The following SLC23A1 variants were observed in gnomAD, a reference collection of about 807,000 sequenced individuals.
The protein encoded by SLC23A1 is Na(+)/L-ascorbic acid transporter 1.
In SLC23A1, 31 loss-of-function variants were observed where a neutral mutation model predicts 62.5. The observed-to-expected ratio is 0.50, with a 90% confidence interval of 0.37 to 0.67. The LOEUF (loss-of-function observed/expected upper bound fraction) is 0.67. SLC23A1 is among the 30% of genes least tolerant of loss of function. The probability of loss-of-function intolerance (pLI) is 0.00; values close to 1 mark genes in which losing one functional copy is unlikely to be tolerated. For synonymous variants in SLC23A1, 271 were observed against 313.2 expected (o/e 0.87, Z 1.42); for missense variants, 640 against 782.7 (o/e 0.82, Z 2.18).
rs1344010009 is a variant in SLC23A1 at position 139,379,682 on chromosome 5, G to A, written c.921C>T (p.Tyr307=). Residue 307 remains tyrosine (Y), a synonymous_variant, in exon 8 of 15, where the codon TAC becomes TAT. Transcript: ENST00000348729. This position sits in a 1 kb window ranked among gnomAD's most constrained non-coding sequence, Gnocchi z 4.7. ...GGCCCAAGGGGTGTTGCTCACAGGG[G>A]TAGGGGATGCGGATCCAGGGTGCAA... is the stretch of plus-strand genomic sequence containing the variant. The part of the protein sequence containing the change: ...MAIAPWIRIP[Y]PCQWGLPTVT... 5.0e-6 allele frequency: 8 copies of A among 1,611,814 alleles called. No homozygotes were observed. Among genetic ancestry groups the A allele is most frequent in the Non-Finnish European group, 6.8e-6 (8 of 1,178,838 alleles).
At chr5:139,371,475 G>A (rs148300251) in intron 14 of SLC23A1, among the ~76,000 whole-genome samples, 2 of 152,142 alleles carry the variant, frequency 1.3e-5, no homozygotes, top group African/African-American at 4.8e-5. Flanking sequence ...ACCTCATCAG[G>A]GCTTGTACAG....
intron 13 of SLC23A1, among the ~76,000 whole-genome samples, chr5:139,373,629 G>C (rs1311529769): frequency 6.6e-6 from 1 of 152,170 alleles, no homozygotes; most frequent in East Asian, 1.9e-4. Context: ...CCCAGGCTGA[G>C]AACAAACCCA....
chr5:139,368,321 CAG>C (rs1302237694), intron 14 of SLC23A1, among the ~76,000 whole-genome samples: 5 of 151,586 alleles, frequency 3.3e-5, no homozygotes, highest in African/African-American at 4.9e-5. Flanking sequence ...GCCTGGGTGA[CAG>C]AGTGAGACTC....
At position 139,379,802 on chromosome 5, in the gene SLC23A1, G is replaced by A. The variant is rs1366267104; in HGVS notation, c.801C>T (p.Leu267=). The change falls in exon 8 of 15, where the codon CTC becomes CTT. Residue 267 remains leucine (L), a synonymous_variant. Transcript: ENST00000348729. This position sits in a 1 kb window ranked among gnomAD's most constrained non-coding sequence, Gnocchi z 4.7. ...CGTCTGTCAAGGTCAGGACATAGCAGAGCAGCCACACGGTCATGATGGCCA... is the reference window on the plus strand; with the variant it reads ...CGTCTGTCAAGGTCAGGACATAGCAAAGCAGCCACACGGTCATGATGGCCA... ...IMLAIMTVWL[L]CYVLTLTDVL... 1.9e-6 allele frequency: 3 copies of A among 1,614,040 alleles called. No homozygotes were observed. The highest frequency in any genetic ancestry group is 1.6e-4 in the Middle Eastern group (1 of 6,084).
chr5:139,378,304 G>A lies in SLC23A1; in HGVS notation c.1227C>T (p.Val409=). The change falls in exon 11 of 15, where the codon GTC becomes GTT. Residue 409 remains valine, a synonymous_variant. Transcript: ENST00000348729. The surrounding 1 kb of genome is among the most constrained non-coding windows in gnomAD (Gnocchi z 4.5). ...CCGTGAACTTGCCGATGGTGCCCAG[G>A]ACCAGCATGATAGCCGCACCATACT... ...VVQYGAAIML[V]LGTIGKFTAL... 1 of 1,591,840 alleles carries A rather than the reference G, an allele frequency of 6.3e-7. No individual in the cohort carries two copies. Among genetic ancestry groups the A allele is most frequent in the African/African-American group, 1.3e-5 (1 of 74,550 alleles).
Position 139,378,324 on chromosome 5 carries a change from C to T in SLC23A1, c.1207G>A (p.Gly403Ser), listed in dbSNP as rs746158473. Residue 403 changes from glycine to serine, a missense_variant, in exon 11 of 15, where the codon GGT becomes AGT. Physicochemically the swap from Gly to Ser is moderately conservative, Grantham distance 56. Transcript: ENST00000348729. This position sits in a 1 kb window ranked among gnomAD's most constrained non-coding sequence, Gnocchi z 4.5. ...KVGSRRVVQY[G>S]AAIMLVLGTI... ...CCCAGGACCAGCATGATAGCCGCAC[C>T]ATACTGCACCACGCGCCGGCTGCCC... 24 of 1,578,906 alleles carry T rather than the reference C, an allele frequency of 1.5e-5. No homozygotes were observed. The highest frequency in any genetic ancestry group is 2.3e-5 in the East Asian group (1 of 42,826).
At position 139,378,678 on chromosome 5, in the gene SLC23A1, G is replaced by T; in HGVS notation, c.1080C>A (p.Ile360=). The T allele has an allele frequency of 6.2e-7, 1 of 1,607,174 alleles. No individual in the cohort carries two copies. Among genetic ancestry groups the T allele is most frequent in the Non-Finnish European group, 8.5e-7 (1 of 1,176,620 alleles). ...TGATGCAGCAAATGCCTTCGGTGAA[G>T]ATGCCCCTGTAAGGAAAGGGAGAGT... The part of the protein sequence containing the change: ...PPPVHAINRG[I]FTEGICCIIA... Residue 360 remains isoleucine (I), a synonymous_variant, in exon 10 of 15, where the codon ATC becomes ATA. Coordinates refer to ENST00000348729, the MANE Select transcript of SLC23A1 (RefSeq NM_005847.5). The surrounding 1 kb of genome is among the most constrained non-coding windows in gnomAD (Gnocchi z 4.5).
At position 139,381,993 on chromosome 5, in the gene SLC23A1, C is replaced by T. The variant is rs1758292345; in HGVS notation, c.207G>A (p.Ala69=). The T allele has an allele frequency of 3.1e-6, 5 of 1,605,738 alleles. No homozygotes were observed. Among genetic ancestry groups the T allele is most frequent in the South Asian group, 1.1e-5 (1 of 89,440 alleles). Residue 69 remains alanine, a synonymous_variant, in exon 3 of 15, where the codon GCG becomes GCA. Transcript: ENST00000348729. ...TGTGCTGGTCGTGGCCCACACACAG[C>T]GCCTCAGCCAGCAGGAAGGGCACGG... ...TIAVPFLLAE[A]LCVGHDQHMV...
At chr5:139,377,840 G>T in intron 12 of SLC23A1, 135 bp downstream of exon 12, 1 of 800,202 alleles carries the variant, frequency 1.2e-6, no homozygotes, top group Non-Finnish European at 2.0e-6. Context: ...TGTGACCCAA[G>T]CTCTCAGCTG....
In SLC23A1 at chr5:139,371,892, A is replaced by G. The variant is rs1660757943; in HGVS notation, c.*19+95T>C. 3 of 933,912 alleles carry G rather than the reference A, an allele frequency of 3.2e-6. No individual in the cohort carries two copies. The Admixed American group carries it at 6.7e-5, about 21-fold the overall frequency. 57.9% of individuals were successfully genotyped at this position (933,912 alleles called of 1,614,324 possible). On this transcript the variant is annotated intron_variant, in intron 14 of 14. Transcript: ENST00000348729. ...TTTGAGGACATTCAAACAGTTTACAAGAAAGAGAACTGAGTAGTTTGGTTT... is the reference window on the plus strand; with the variant it reads ...TTTGAGGACATTCAAACAGTTTACAGGAAAGAGAACTGAGTAGTTTGGTTT...
chr5:139,371,418 C>T (rs959589084), intron 14 of SLC23A1, among the ~76,000 whole-genome samples: 4 of 152,156 alleles, frequency 2.6e-5, no homozygotes, highest in African/African-American at 4.8e-5. Context: ...GGAAGGTTTC[C>T]GAGCATCAGC....
chr5:139,383,826 G>C (rs114534894), upstream of SLC23A1, among the ~76,000 whole-genome samples: 140 of 152,344 alleles, frequency 9.2e-4, no homozygotes, highest in African/African-American at 3.3e-3. Flanking sequence ...AAGCCATGCA[G>C]ATAGCAAGTT....
Position 139,367,292 on chromosome 5 carries a change from G to A in SLC23A1, c.*359C>T, listed in dbSNP as rs1366585337. 1.3e-5 allele frequency: 2 copies of A among 152,086 alleles called. No homozygotes were observed. Among genetic ancestry groups the A allele is most frequent in the African/African-American group, 4.8e-5 (2 of 41,396 alleles). 9.4% of individuals were successfully genotyped at this position (152,086 alleles called of 1,614,324 possible). A position where few individuals can be genotyped will look rare whatever the true frequency, so the allele number is the denominator to read the frequency against. ...AGCCTTGCAGCATACCTACATTTCAGGCCCTGGAACCTGCCCTCATTTCTT... is the reference window on the plus strand; with the variant it reads ...AGCCTTGCAGCATACCTACATTTCAAGCCCTGGAACCTGCCCTCATTTCTT... On this transcript the variant is annotated 3_prime_UTR_variant, in exon 15 of 15. Coordinates refer to ENST00000348729, the MANE Select transcript of SLC23A1 (RefSeq NM_005847.5).
intron 1 of SLC23A1, among the ~76,000 whole-genome samples, chr5:139,383,017 G>A (rs1278939557): frequency 6.6e-6 from 1 of 152,104 alleles, no homozygotes; most frequent in African/African-American, 2.4e-5. Flanking sequence ...ACCCCAACCT[G>A]GAGTCAGCCA....
intron 13 of SLC23A1, among the ~76,000 whole-genome samples, chr5:139,372,456 T>C (rs1245686025): frequency 1.3e-5 from 2 of 152,238 alleles, no homozygotes; most frequent in African/African-American, 4.8e-5. Context: ...CTAGTTATAG[T>C]AGTATTTATT....
At chr5:139,384,394 A>G (rs759401480), upstream of SLC23A1, 1 of 1,289,480 alleles carries the variant, frequency 7.8e-7, no homozygotes, top group South Asian at 1.2e-5. Flanking sequence ...GCCCTGCCTG[A>G]AGGGCCAAGG....
Position 139,379,730 on chromosome 5 carries a change from A to T in SLC23A1, c.873T>A (p.Asp291Glu). The T allele has an allele frequency of 6.2e-7, 1 of 1,614,036 alleles. No homozygotes were observed. Among genetic ancestry groups the T allele is most frequent in the Non-Finnish European group, 8.5e-7 (1 of 1,180,002 alleles). ...PKAYGFQART[D>E]ARGDIMAIAP... is the part of the protein sequence containing the mutation. ...CAATAGCCATGATGTCACCACGGGC[A>T]TCGGTTCGTGCCTGGAAGCCATAGG... Residue 291 changes from aspartate (D) to glutamate (E), a missense_variant, in exon 8 of 15, where the codon GAT (aspartate) becomes GAA (glutamate). By Grantham distance (45) the Asp-to-Glu change is conservative. Coordinates refer to ENST00000348729, the MANE Select transcript of SLC23A1 (RefSeq NM_005847.5). The surrounding 1 kb of genome is among the most constrained non-coding windows in gnomAD (Gnocchi z 4.7).
chr5:139,384,287 G>A, upstream of SLC23A1: 2 of 1,127,362 alleles, frequency 1.8e-6, no homozygotes, highest in Non-Finnish European at 2.3e-6. Flanking sequence ...AGCTGGTGAG[G>A]GCTGGGCCTG....
Position 139,378,611 on chromosome 5 carries a change from T to A in SLC23A1, c.1147A>T (p.Ser383Cys). 6.2e-7 allele frequency: 1 copy of A among 1,611,450 alleles called. No homozygotes were observed. The highest frequency in any genetic ancestry group is 8.5e-7 in the Non-Finnish European group (1 of 1,178,962). ...LGTGNGSTSS[S>C]PNIGVLGITK... ...ATTCCCAGGACGCCAATGTTGGGAC[T>A]GGACGAGGTGGACCCGTTGCCCGTG... is the stretch of plus-strand genomic sequence containing the variant. Residue 383 changes from serine (S) to cysteine (C), a missense_variant, in exon 10 of 15, where the codon AGT (serine) becomes TGT (cysteine). Transcript: ENST00000348729. The surrounding 1 kb of genome is among the most constrained non-coding windows in gnomAD (Gnocchi z 4.5).
Sources: allele counts gnomAD v4.1 joint callset (sites outside exome capture counted in the v4.1 genomes callset), GRCh38; gene constraint gnomAD v4.1.1; non-coding constraint Gnocchi (gnomAD v3.1); transcripts MANE v1.5; gene names NCBI Gene and HGNC (gene_info 2026-07-23, HGNC 2026-07-21).